EBF3: variants seen among roughly 807,000 people sequenced by gnomAD.
EBF3 encodes transcription factor COE3.
EBF3 carries 18 observed loss-of-function variants against 77.1 expected under a neutral mutation model. The ratio of observed to expected loss-of-function variants is 0.23; its 90% CI spans 0.16 to 0.35. EBF3 has a LOEUF of 0.35. Among genes scored for constraint, EBF3 ranks in the 10% least tolerant of loss-of-function variants. The probability of loss-of-function intolerance (pLI) is 1.00; values close to 1 mark genes in which losing one functional copy is unlikely to be tolerated. For synonymous variants in EBF3, 350 were observed against 343.5 expected, an observed-to-expected ratio of 1.02 and a Z score of -0.21; for missense variants, 558 against 860.0, an observed-to-expected ratio of 0.65 and a Z score of 4.39.
chr10:129,936,575 C>T (rs1857375808), intron 6 of EBF3, among the ~76,000 whole-genome samples: 1 of 150,976 alleles, frequency 6.6e-6, no homozygotes, highest in Non-Finnish European at 1.5e-5. Flanking sequence ...ATGTGGGGAA[C>T]CAGGGGCTAT....
chr10:129,899,256 T>A (rs1249574134), intron 6 of EBF3, among the ~76,000 whole-genome samples: 1 of 152,234 alleles, frequency 6.6e-6, no homozygotes, highest in Non-Finnish European at 1.5e-5. Flanking sequence ...CACCATGGAA[T>A]CAAAAGCAGC....
intron 8 of EBF3, among the ~76,000 whole-genome samples, chr10:129,872,815 TGA>T (rs1422651886): frequency 6.6e-6 from 1 of 152,214 alleles, no homozygotes; most frequent in Non-Finnish European, 1.5e-5. Context: ...CCACTGTGTC[TGA>T]GTCTTTCTGC....
chr10:129,839,429 G>A (rs1326435018), intron 15 of EBF3, among the ~76,000 whole-genome samples: 5 of 152,236 alleles, frequency 3.3e-5, no homozygotes, highest in African/African-American at 9.6e-5. Context: ...CACATCACAG[G>A]CCACGTGCAG....
Position 129,840,155 on chromosome 10 carries a change from G to A in EBF3, c.1759+90C>T. ...GAGAACATGCAGCAGTCACAGAGGT[G>A]CCAGGAGAAAGGCCGAGCCCCCACC... is the stretch of plus-strand genomic sequence containing the variant. On this transcript the variant is annotated intron_variant, in intron 15 of 16. Transcript: ENST00000440978. 2.1e-6 allele frequency: 3 copies of A among 1,447,802 alleles called. No individual in the cohort carries two copies. The South Asian group carries it at 4.1e-5, about 20-fold the overall frequency. 89.7% of individuals were successfully genotyped at this position (1,447,802 alleles called of 1,614,324 possible).
rs1857976841 is a variant in EBF3, at chr10:129,943,855, A to C, written c.554+13403T>G. ...CTGAGCTCTCTGGAACCATATGTTCAGCAACGTTATGGAGGGCGCTGGCCT... is the reference window on the plus strand; with the variant it reads ...CTGAGCTCTCTGGAACCATATGTTCCGCAACGTTATGGAGGGCGCTGGCCT... On this transcript the variant is annotated intron_variant, in intron 6 of 16. Transcript: ENST00000440978. The surrounding 1 kb of genome is among the most constrained non-coding windows in gnomAD (Gnocchi z 8.8). Among the ~76,000 whole-genome samples the C allele has an allele frequency of 6.6e-6, 1 of 152,204 alleles. No individual in the cohort carries two copies. The highest frequency in any genetic ancestry group is 1.9e-4 in the East Asian group (1 of 5,198).
rs1174231983 is a variant in EBF3 at position 129,938,632 on chromosome 10, C to G, written c.554+18626G>C. ...ACAATTTAGCATTTTTGATGGGCAG[C>G]CCAGGCAGGCACGAGCAGAACGCTC... On this transcript the variant is annotated intron_variant, in intron 6 of 16. Transcript: ENST00000440978. The surrounding 1 kb of genome is among the most constrained non-coding windows in gnomAD (Gnocchi z 5.1). Among the ~76,000 whole-genome samples the G allele has an allele frequency of 6.6e-6, 1 of 152,158 alleles. No individual in the cohort carries two copies. Among genetic ancestry groups the G allele is most frequent in the East Asian group, 1.9e-4 (1 of 5,188 alleles).
At position 129,952,366 on chromosome 10, in the gene EBF3, G is replaced by C. The variant is rs990398081; in HGVS notation, c.554+4892C>G. 6.6e-6 allele frequency among the ~76,000 whole-genome samples: 1 copy of C among 152,184 alleles called. No individual in the cohort carries two copies. The highest frequency in any genetic ancestry group is 2.4e-5 in the African/African-American group (1 of 41,430). On this transcript the variant is annotated intron_variant, in intron 6 of 16. Transcript: ENST00000440978. The surrounding 1 kb of genome is among the most constrained non-coding windows in gnomAD (Gnocchi z 4.7). ...CAGGTTATCCAAATGCTACTGAATAGAAAACCTTGGATCCCTAAATGATGT... is the reference window on the plus strand; with the variant it reads ...CAGGTTATCCAAATGCTACTGAATACAAAACCTTGGATCCCTAAATGATGT...
chr10:129,909,521 G>A (rs1855371582), intron 6 of EBF3, among the ~76,000 whole-genome samples: 1 of 152,208 alleles, frequency 6.6e-6, no homozygotes, highest in Admixed American at 6.5e-5. Flanking sequence ...GGAGGTCATG[G>A]GTTCTCACTC....
At position 129,841,857 on chromosome 10, in the gene EBF3, T is replaced by C. The variant is rs1243678000; in HGVS notation, c.1372+259A>G. Among the ~76,000 whole-genome samples, 1 of 152,156 alleles carries C rather than the reference T, an allele frequency of 6.6e-6. No individual in the cohort carries two copies. The highest frequency in any genetic ancestry group is 2.4e-5 in the African/African-American group (1 of 41,448). On this transcript the variant is annotated intron_variant, in intron 13 of 16. Coordinates refer to ENST00000440978, the MANE Select transcript of EBF3 (RefSeq NM_001375380.1). The surrounding 1 kb of genome is among the most constrained non-coding windows in gnomAD (Gnocchi z 4.6). ...TTATGAACACATTGAGGGAAACTTC[T>C]AGCAAATACCAGTGACCCGCATGGC... is the stretch of plus-strand genomic sequence containing the variant.
At chr10:129,945,916 G>A (rs1283750776) in intron 6 of EBF3, among the ~76,000 whole-genome samples, 1 of 152,098 alleles carries the variant, frequency 6.6e-6, no homozygotes, top group South Asian at 2.1e-4. Context: ...TTTCTCTGTG[G>A]AGTGCTTTTA....
At chr10:129,857,294 T>C (rs184533653) in intron 10 of EBF3, among the ~76,000 whole-genome samples, 9 of 152,304 alleles carry the variant, frequency 5.9e-5, no homozygotes, top group African/African-American at 1.9e-4. Flanking sequence ...TATTTCCACA[T>C]AGGGGTTCCC....
At chr10:129,927,945 T>C (rs1856781265) in intron 6 of EBF3, among the ~76,000 whole-genome samples, 1 of 152,182 alleles carries the variant, frequency 6.6e-6, no homozygotes, top group South Asian at 2.1e-4. Flanking sequence ...TGTCAAGTGC[T>C]CGGTGGAGAG....
At chr10:129,847,900 G>C (rs1459716747) in intron 11 of EBF3, among the ~76,000 whole-genome samples, 1 of 152,178 alleles carries the variant, frequency 6.6e-6, no homozygotes, top group East Asian at 1.9e-4. Context: ...TTGTTAGCCT[G>C]CTAAGTCAGG....
rs1857955948 is a variant in EBF3 at position 129,943,641 on chromosome 10, T to C, written c.554+13617A>G. Among the ~76,000 whole-genome samples the C allele has an allele frequency of 6.6e-6, 1 of 152,260 alleles. No homozygotes were observed. Among genetic ancestry groups the C allele is most frequent in the East Asian group, 1.9e-4 (1 of 5,168 alleles). On this transcript the variant is annotated intron_variant, in intron 6 of 16. Transcript: ENST00000440978. The surrounding 1 kb of genome is among the most constrained non-coding windows in gnomAD (Gnocchi z 8.8). ...CCGGCGTGCACATCCAAAGTTTGAG[T>C]GTGTGAGACTTTTCCTCATTTATTT... is the stretch of plus-strand genomic sequence containing the variant.
rs1473950116 is a variant in EBF3, at chr10:129,864,949, C to A, written c.1039+2192G>T. Among the ~76,000 whole-genome samples the A allele has an allele frequency of 2.6e-5, 4 of 152,224 alleles. No homozygotes were observed. Among genetic ancestry groups the A allele is most frequent in the Non-Finnish European group, 5.9e-5 (4 of 68,042 alleles). On this transcript the variant is annotated intron_variant, in intron 10 of 16. Transcript: ENST00000440978. The surrounding 1 kb of genome is among the most constrained non-coding windows in gnomAD (Gnocchi z 4.4). The stretch of plus-strand genomic sequence containing the variant: ...GTGTTAGACACTGTACATAAGTCAT[C>A]CCCGATCCTTGCCAAAACCTTGCCA...
chr10:129,854,727 GT>G (rs1255136481), intron 10 of EBF3, among the ~76,000 whole-genome samples: 1 of 152,204 alleles, frequency 6.6e-6, no homozygotes, highest in East Asian at 1.9e-4. Flanking sequence ...GATGAGTTGT[GT>G]TTTCCTCTCA....
intron 5 of EBF3, 113 bp downstream of exon 5, chr10:129,958,821 C>T: frequency 8.0e-6 from 11 of 1,368,378 alleles, no homozygotes; most frequent in South Asian, 4.7e-5. Flanking sequence ...ACATTTCAAT[C>T]GATGCCCTTC....
At chr10:129,852,578 A>T (rs868224662) in intron 10 of EBF3, among the ~76,000 whole-genome samples, 1 of 152,180 alleles carries the variant, frequency 6.6e-6, no homozygotes, top group South Asian at 2.1e-4. Flanking sequence ...CCCTGAGTTC[A>T]TGTTGATCTC....
intron 3 of EBF3, 62 bp from the exon 4 acceptor site, chr10:129,962,288 A>G: frequency 6.5e-7 from 1 of 1,537,320 alleles, no homozygotes; most frequent in East Asian, 2.2e-5. Context: ...GGGAGGGCAC[A>G]CGGAGCACAG....
Sources: gnomAD v4.1 joint callset for allele counts (sites outside exome capture counted in the v4.1 genomes callset) on GRCh38, gnomAD v4.1.1 for gene constraint, Gnocchi (gnomAD v3.1) non-coding constraint, MANE v1.5 for transcripts, NCBI Gene and HGNC (gene_info 2026-07-23, HGNC 2026-07-21) for gene names.